The following COG2 variants were observed in gnomAD, a reference collection of about 807,000 sequenced individuals.
The protein encoded by COG2 is conserved oligomeric Golgi complex subunit 2.
In COG2, 52 loss-of-function variants were observed where a neutral mutation model predicts 90.6. The observed-to-expected ratio is 0.57, with a 90% confidence interval of 0.46 to 0.72. The LOEUF (loss-of-function observed/expected upper bound fraction) is 0.72. COG2 is among the 30% of genes least tolerant of loss of function. The pLI, the probability that COG2 is intolerant of heterozygous loss-of-function variation, is 0.00. For missense variants in COG2, 829 were observed against 891.2 expected, an observed-to-expected ratio of 0.93 and a Z score of 0.89; for synonymous variants, 337 against 320.4, an observed-to-expected ratio of 1.05 and a Z score of -0.55.
chr1:230,690,767 T>C (rs1352162549), intron 16 of COG2, among the ~76,000 whole-genome samples: 4 of 152,226 alleles, frequency 2.6e-5, no homozygotes, highest in African/African-American at 9.6e-5. Flanking sequence ...TAAGTGGCCA[T>C]TTATGGGTTA....
chr1:230,678,878 C>T, intron 9 of COG2, 35 bp from the exon 10 acceptor site: 1 of 1,599,568 alleles, frequency 6.3e-7, no homozygotes, highest in East Asian at 2.2e-5. Context: ...AGTTAGTGTT[C>T]TAATAATGAA....
At chr1:230,683,507 A>T in intron 10 of COG2, 67 bp from the exon 11 acceptor site, 1 of 1,238,966 alleles carries the variant, frequency 8.1e-7, no homozygotes, top group Non-Finnish European at 1.2e-6. Flanking sequence ...GGAAAAACAG[A>T]GAATGGATAG....
At chr1:230,643,034 A>T (rs2102736774) in intron 1 of COG2, 1 of 242,668 alleles carries the variant, frequency 4.1e-6, no homozygotes, top group African/African-American at 2.2e-5. Flanking sequence ...CTTGGAGCTC[A>T]TTAAGTGTGT....
intron 10 of COG2, chr1:230,680,333 C>T (rs961291250): frequency 1.3e-5 from 2 of 151,708 alleles, no homozygotes; most frequent in Admixed American, 1.3e-4. Flanking sequence ...CACAAACATA[C>T]TCCTCTGCTT....
chr1:230,688,665 A>C, intron 15 of COG2, 103 bp downstream of exon 15: 3 of 1,279,566 alleles, frequency 2.3e-6, no homozygotes, highest in Non-Finnish European at 3.3e-6. Flanking sequence ...GGGTAGCCTG[A>C]GACAGACTGA....
Position 230,671,617 on chromosome 1 carries a change from A to G in COG2, c.876A>G (p.Glu292=), listed in dbSNP as rs1238563045. The change falls in exon 8 of 18, where the codon GAA becomes GAG. Residue 292 remains glutamate, a synonymous_variant. Coordinates refer to ENST00000366669, the MANE Select transcript of COG2 (RefSeq NM_007357.3). ...FVPHHCRLLR[E]VTGGAISSEK... ...CTCACCATTGCCGCCTTCTTCGAGA[A>G]GTCACAGGAGGTGCCATCTCCAGGT... The G allele has an allele frequency of 1.2e-6, 2 of 1,613,762 alleles. No homozygotes were observed. The highest frequency in any genetic ancestry group is 1.7e-6 in the Non-Finnish European group (2 of 1,179,802).
chr1:230,678,215 T>A, intron 9 of COG2: 1 of 985,396 alleles, frequency 1.0e-6, no homozygotes. Context: ...ACTGACTGAC[T>A]AGCATTCTGC....
At chr1:230,677,564 T>C (rs1416656468) in intron 9 of COG2, among the ~76,000 whole-genome samples, 3 of 152,198 alleles carry the variant, frequency 2.0e-5, no homozygotes, top group Admixed American at 6.5e-5. Context: ...TTAAATAAGA[T>C]AGCATAAGGA....
At chr1:230,660,571 T>C (rs1218516531) in intron 2 of COG2, among the ~76,000 whole-genome samples, 187 bp from the exon 3 acceptor site, 1 of 152,228 alleles carries the variant, frequency 6.6e-6, no homozygotes, top group Non-Finnish European at 1.5e-5. Context: ...AAAGGTTTTT[T>C]CACATTCTAT....
intron 11 of COG2, chr1:230,684,275 A>G (rs2479132): frequency 0.33 from 50,035 of 152,116 alleles, 9,592 homozygotes; most frequent in Non-Finnish European, 0.44. Context: ...TTTTTTTAGC[A>G]AATTGGCTGT....
intron 13 of COG2, 25 bp downstream of exon 13, chr1:230,687,157 C>A: frequency 6.3e-7 from 1 of 1,587,258 alleles, no homozygotes; most frequent in Non-Finnish European, 8.6e-7. Flanking sequence ...CAGAATAATT[C>A]CAGGTGCTTG....
intron 1 of COG2, among the ~76,000 whole-genome samples, chr1:230,645,985 G>C (rs1404781698): frequency 6.6e-6 from 1 of 152,116 alleles, no homozygotes; most frequent in African/African-American, 2.4e-5. Flanking sequence ...AGTTGGGGAC[G>C]CTGGTGTAGG....
chr1:230,693,231 T>C (rs1183079377), intron 17 of COG2, 61 bp from the exon 18 acceptor site: 3 of 984,500 alleles, frequency 3.0e-6, no homozygotes, highest in Non-Finnish European at 4.8e-6. Flanking sequence ...CTTTCTTTTT[T>C]TTCCCCCCCC....
chr1:230,691,593 C>G, intron 17 of COG2, 29 bp downstream of exon 17: 1 of 1,588,584 alleles, frequency 6.3e-7, no homozygotes, highest in South Asian at 1.1e-5. Flanking sequence ...GCAGCTCCAG[C>G]GAGCCTGAAA....
chr1:230,665,978 T>A (rs1662310073), intron 5 of COG2, among the ~76,000 whole-genome samples: 1 of 152,186 alleles, frequency 6.6e-6, no homozygotes. Flanking sequence ...GGCACTGTTC[T>A]TGGGACTGTG....
At chr1:230,646,638 C>G (rs1661791576) in intron 1 of COG2, among the ~76,000 whole-genome samples, 1 of 152,128 alleles carries the variant, frequency 6.6e-6, no homozygotes, top group African/African-American at 2.4e-5. Flanking sequence ...GACATCTCTT[C>G]TTGGCTATCT....
intron 3 of COG2, among the ~76,000 whole-genome samples, chr1:230,661,944 T>C (rs554103061): frequency 2.8e-4 from 42 of 152,258 alleles, no homozygotes; most frequent in African/African-American, 9.6e-4. Flanking sequence ...CTCTCCTGCC[T>C]TCTTTTCAGT....
At chr1:230,659,436 T>G (rs777095262) in intron 1 of COG2, 28 bp from the exon 2 acceptor site, 133 of 1,592,722 alleles carry the variant, frequency 8.4e-5, no homozygotes, top group Non-Finnish European at 1.0e-4. Context: ...ATTGCTATAA[T>G]TTTTTCTTCT....
At chr1:230,688,210 T>G in intron 14 of COG2, 67 bp downstream of exon 14, 1 of 1,281,036 alleles carries the variant, frequency 7.8e-7, no homozygotes, top group Non-Finnish European at 1.1e-6. Flanking sequence ...TCTCAGAGAC[T>G]GTAGGGTATA....
Sources: gnomAD v4.1 joint callset for allele counts (sites outside exome capture counted in the v4.1 genomes callset) on GRCh38, gnomAD v4.1.1 for gene constraint, MANE v1.5 for transcripts, NCBI Gene and HGNC (gene_info 2026-07-23, HGNC 2026-07-21) for gene names.